ST6GALNAC3: variants seen among roughly 807,000 people sequenced by gnomAD.
ST6GALNAC3 encodes the protein ST6 N-acetylgalactosaminide alpha-2,6-sialyltransferase 3.
Under a neutral mutation model 32.7 loss-of-function variants are expected in ST6GALNAC3, and 25 were observed. That is an observed-to-expected ratio of 0.76 (90% confidence interval 0.56 to 1.07). The LOEUF (loss-of-function observed/expected upper bound fraction) is 1.07. Among genes scored for constraint, ST6GALNAC3 ranks in the 50% least tolerant of loss-of-function variants. The probability of loss-of-function intolerance (pLI) is 0.00; values close to 1 mark genes in which losing one functional copy is unlikely to be tolerated. For missense variants in ST6GALNAC3, 355 were observed against 382.4 expected, an observed-to-expected ratio of 0.93 and a Z score of 0.60; for synonymous variants, 129 against 133.1, an observed-to-expected ratio of 0.97 and a Z score of 0.21.
At chr1:76,441,278 A>G (rs1206975801) in intron 3 of ST6GALNAC3, among the ~76,000 whole-genome samples, 1 of 152,096 alleles carries the variant, frequency 6.6e-6, no homozygotes, top group Admixed American at 6.5e-5. Flanking sequence ...TTACTTATGT[A>G]ACGTGTAGTT....
chr1:76,544,680 G>A (rs1012752757), intron 3 of ST6GALNAC3, among the ~76,000 whole-genome samples: 41 of 152,116 alleles, frequency 2.7e-4, no homozygotes, highest in African/African-American at 9.9e-4. Context: ...TTAAATTTAA[G>A]GTGCCTATGA....
At chr1:76,294,049 C>T (rs1181322047) in intron 1 of ST6GALNAC3, among the ~76,000 whole-genome samples, 7 of 152,072 alleles carry the variant, frequency 4.6e-5, no homozygotes, top group African/African-American at 1.7e-4. Context: ...CTCTTTTTAA[C>T]GAGGGACTAT....
intron 3 of ST6GALNAC3, among the ~76,000 whole-genome samples, chr1:76,548,131 C>T (rs1370241850): frequency 2.6e-5 from 4 of 152,286 alleles, no homozygotes; most frequent in African/African-American, 9.6e-5. Flanking sequence ...ACCTTTGAAA[C>T]ATACTGCTCC....
At position 76,632,576 on chromosome 1, in the gene ST6GALNAC3, A is replaced by T. The variant is rs1649350915; in HGVS notation, c.*3770A>T. 1 of 152,136 alleles carries T rather than the reference A, an allele frequency of 6.6e-6. No homozygotes were observed. The highest frequency in any genetic ancestry group is 1.5e-5 in the Non-Finnish European group (1 of 68,014). The allele number at this position is 152,136 out of a possible 1,614,324, so 9.4% of individuals were successfully genotyped here. ...TGAAAAAGGAAAATTATACAAGGAG[A>T]TTGCTCTTGGAGGATTTGGTATGAA... is the stretch of plus-strand genomic sequence containing the variant. On this transcript the variant is annotated 3_prime_UTR_variant, in exon 5 of 5. Coordinates refer to ENST00000328299, the MANE Select transcript of ST6GALNAC3 (RefSeq NM_152996.4).
At chr1:76,168,478 C>G (rs1444557208) in intron 1 of ST6GALNAC3, among the ~76,000 whole-genome samples, 1 of 152,110 alleles carries the variant, frequency 6.6e-6, no homozygotes, top group African/African-American at 2.4e-5. Context: ...AGATGTCTAT[C>G]AGATCCATTT....
chr1:76,361,938 A>G (rs1649975800), intron 2 of ST6GALNAC3, among the ~76,000 whole-genome samples: 1 of 150,514 alleles, frequency 6.6e-6, no homozygotes, highest in South Asian at 2.1e-4. Flanking sequence ...AGATCACGCC[A>G]CTGCACTCCA....
chr1:76,490,526 A>T (rs1163239151), intron 3 of ST6GALNAC3, among the ~76,000 whole-genome samples: 1 of 150,260 alleles, frequency 6.7e-6, no homozygotes, highest in Non-Finnish European at 1.5e-5. Flanking sequence ...GTGTGTTTCT[A>T]TGTATCTCAA....
chr1:76,145,329 C>T (rs968874627), intron 1 of ST6GALNAC3, among the ~76,000 whole-genome samples: 5 of 152,174 alleles, frequency 3.3e-5, no homozygotes, highest in Non-Finnish European at 4.4e-5. Context: ...TTTCATCCAA[C>T]CCCGCTGCCC....
At chr1:76,322,543 G>A (rs961554089) in intron 2 of ST6GALNAC3, among the ~76,000 whole-genome samples, 1 of 152,126 alleles carries the variant, frequency 6.6e-6, no homozygotes, top group Non-Finnish European at 1.5e-5. Context: ...CTTAAGAATA[G>A]TGAACATTCA....
intron 3 of ST6GALNAC3, among the ~76,000 whole-genome samples, chr1:76,497,056 C>G (rs920141942): frequency 1.3e-5 from 2 of 152,134 alleles, no homozygotes; most frequent in African/African-American, 2.4e-5. Context: ...CAATTTGGAT[C>G]CTTGCCAAAG....
In ST6GALNAC3 at chr1:76,353,391, A is replaced by G. The variant is rs151245944; in HGVS notation, c.213+39392A>G. 5.7e-3 allele frequency among the ~76,000 whole-genome samples: 870 copies of G among 152,022 alleles called. 5 individuals carry two copies. The highest frequency in any genetic ancestry group is 0.019 in the African/African-American group (794 of 41,462). On this transcript the variant is annotated intron_variant, in intron 2 of 4. Coordinates refer to ENST00000328299, the MANE Select transcript of ST6GALNAC3 (RefSeq NM_152996.4). ...AACTAATGTCAGCTCCTTTCTACCA[A>G]TGATTATTGAGTTGCCCTGCCCAAC...
At chr1:76,112,533 C>T (rs1347824371) in intron 1 of ST6GALNAC3, among the ~76,000 whole-genome samples, 49 of 151,746 alleles carry the variant, frequency 3.2e-4, no homozygotes, top group Non-Finnish European at 6.0e-4. Context: ...CCCCACCTCC[C>T]TCCCGGACGG....
intron 1 of ST6GALNAC3, among the ~76,000 whole-genome samples, chr1:76,143,649 A>G (rs564560487): frequency 2.2e-4 from 34 of 152,294 alleles, no homozygotes; most frequent in African/African-American, 7.9e-4. Context: ...CAAACAATTC[A>G]ATACATTACT....
chr1:76,384,675 A>T (rs1165612233), intron 2 of ST6GALNAC3, among the ~76,000 whole-genome samples: 1 of 152,150 alleles, frequency 6.6e-6, no homozygotes, highest in Non-Finnish European at 1.5e-5. Context: ...AGTTGAAATC[A>T]CACAGAATAT....
intron 1 of ST6GALNAC3, among the ~76,000 whole-genome samples, chr1:76,272,899 C>A (rs1365595642): frequency 6.6e-6 from 1 of 152,140 alleles, no homozygotes; most frequent in Non-Finnish European, 1.5e-5. Flanking sequence ...CTATCTTTTG[C>A]TTTTGGCGTC....
intron 1 of ST6GALNAC3, among the ~76,000 whole-genome samples, chr1:76,270,417 G>T (rs909190623): frequency 7.0e-6 from 1 of 142,964 alleles, no homozygotes; most frequent in Non-Finnish European, 1.5e-5. Context: ...TGAGGCAGGA[G>T]AATTGCTTGA....
At chr1:76,209,817 C>T (rs958538442) in intron 1 of ST6GALNAC3, among the ~76,000 whole-genome samples, 1 of 152,170 alleles carries the variant, frequency 6.6e-6, no homozygotes, top group African/African-American at 2.4e-5. Flanking sequence ...TCTGTGCAGC[C>T]CCCGGGCCAC....
chr1:76,627,339 A>T (rs1649029522), intron 3 of ST6GALNAC3, 113 bp from the exon 4 acceptor site: 1 of 690,386 alleles, frequency 1.4e-6, no homozygotes, highest in African/African-American at 1.8e-5. Context: ...TTTTCCTGAT[A>T]ACAAGTGCTA....
intron 2 of ST6GALNAC3, among the ~76,000 whole-genome samples, chr1:76,395,456 A>G (rs1652877356): frequency 6.6e-6 from 1 of 152,184 alleles, no homozygotes; most frequent in African/African-American, 2.4e-5. Flanking sequence ...CTCAAAAAGA[A>G]AGCAAATCAG....
Sources: allele counts gnomAD v4.1 joint callset (sites outside exome capture counted in the v4.1 genomes callset), GRCh38; gene constraint gnomAD v4.1.1; transcripts MANE v1.5; gene names NCBI Gene and HGNC (gene_info 2026-07-23, HGNC 2026-07-21).